Variants in RALYL observed in about 807,000 individuals in gnomAD.
RALYL encodes the protein RALY RNA binding protein like, also known as RNA-binding Raly-like protein.
A neutral mutation model predicts 35.1 loss-of-function variants in RALYL; 29 were observed. That is an observed-to-expected ratio of 0.83 (90% confidence interval 0.61 to 1.13). RALYL has a LOEUF of 1.13. Among genes scored for constraint, RALYL ranks in the 50% most tolerant of loss-of-function variants. The probability of loss-of-function intolerance (pLI) is 0.00; values close to 1 mark genes in which losing one functional copy is unlikely to be tolerated. For synonymous variants in RALYL, 120 were observed against 127.6 expected (o/e 0.94, Z 0.40); for missense variants, 359 against 360.4 (o/e 1.00, Z 0.03).
intron 1 of RALYL, among the ~76,000 whole-genome samples, chr8:84,468,146 T>G (rs1412693075): frequency 6.6e-6 from 1 of 152,030 alleles, no homozygotes; most frequent in African/African-American, 2.4e-5. Context: ...CATTTACATT[T>G]AAAGTTAATA....
intron 2 of RALYL, among the ~76,000 whole-genome samples, chr8:84,671,082 G>T (rs1206278346): frequency 6.6e-6 from 1 of 152,142 alleles, no homozygotes. Flanking sequence ...GGGAGAAACT[G>T]GCCAAAACGA....
intron 2 of RALYL, among the ~76,000 whole-genome samples, chr8:84,540,660 C>T (rs533294652): frequency 2.4e-3 from 366 of 151,810 alleles, no homozygotes; most frequent in Non-Finnish European, 4.2e-3. Flanking sequence ...TTTGTACTGT[C>T]GAGGAGATGC....
intron 2 of RALYL, among the ~76,000 whole-genome samples, chr8:84,708,180 G>A (rs1396766070): frequency 6.6e-6 from 1 of 152,038 alleles, no homozygotes; most frequent in Admixed American, 6.6e-5. Context: ...GAATAGTAAA[G>A]GTGCATGTGG....
intron 8 of RALYL, among the ~76,000 whole-genome samples, chr8:84,893,704 A>T (rs1486223540): frequency 1.3e-5 from 2 of 152,222 alleles, no homozygotes; most frequent in African/African-American, 4.8e-5. Context: ...CAGCCCTGGA[A>T]TCTGTGCTTT....
At chr8:84,620,539 A>G (rs1301303132) in intron 2 of RALYL, among the ~76,000 whole-genome samples, 4 of 152,120 alleles carry the variant, frequency 2.6e-5, no homozygotes, top group African/African-American at 4.8e-5. Context: ...TTTGGTTTGA[A>G]TGTCCTCCCG....
At chr8:84,663,412 C>A (rs1002499584) in intron 2 of RALYL, among the ~76,000 whole-genome samples, 4 of 152,098 alleles carry the variant, frequency 2.6e-5, no homozygotes, top group Non-Finnish European at 5.9e-5. Context: ...CACTGTCTTC[C>A]ACAATGGTTG....
intron 2 of RALYL, among the ~76,000 whole-genome samples, chr8:84,556,644 T>C (rs1174103438): frequency 6.6e-6 from 1 of 152,234 alleles, no homozygotes; most frequent in Non-Finnish European, 1.5e-5. Flanking sequence ...TTCTCTTTCC[T>C]GATGTCAGTA....
chr8:84,467,661 A>C (rs1394067879), intron 1 of RALYL, among the ~76,000 whole-genome samples: 3 of 151,972 alleles, frequency 2.0e-5, no homozygotes, highest in African/African-American at 4.8e-5. Context: ...TATTAGGTCC[A>C]CTTGGTGCTG....
At chr8:84,673,982 T>G (rs1025868493) in intron 2 of RALYL, among the ~76,000 whole-genome samples, 4 of 152,224 alleles carry the variant, frequency 2.6e-5, no homozygotes, top group Non-Finnish European at 5.9e-5. Flanking sequence ...ATGGCTATTT[T>G]CATGATATTG....
chr8:84,798,021 C>T (rs1370983212), intron 3 of RALYL, among the ~76,000 whole-genome samples: 1 of 152,154 alleles, frequency 6.6e-6, no homozygotes, highest in African/African-American at 2.4e-5. Flanking sequence ...AACTTTGCTT[C>T]TACACATCTA....
At chr8:84,311,458 T>C (rs1842797870) in intron 1 of RALYL, among the ~76,000 whole-genome samples, 1 of 152,148 alleles carries the variant, frequency 6.6e-6, no homozygotes, top group Non-Finnish European at 1.5e-5. Context: ...TAAATGACAA[T>C]GTTTAAACAT....
chr8:84,285,056 T>A (rs910426630), intron 1 of RALYL, among the ~76,000 whole-genome samples: 1 of 152,114 alleles, frequency 6.6e-6, no homozygotes, highest in African/African-American at 2.4e-5. Flanking sequence ...AGGAGAGAAT[T>A]ATGATTGTAT....
At chr8:84,508,883 T>C (rs961063689) in intron 1 of RALYL, among the ~76,000 whole-genome samples, 5 of 152,080 alleles carry the variant, frequency 3.3e-5, no homozygotes, top group Admixed American at 2.6e-4. Context: ...TGTATATTTT[T>C]ATAGAATTGA....
intron 2 of RALYL, among the ~76,000 whole-genome samples, chr8:84,746,130 G>C (rs1256876373): frequency 6.6e-6 from 1 of 151,972 alleles, no homozygotes; most frequent in East Asian, 1.9e-4. Flanking sequence ...TTGCATTCCT[G>C]CAATAACAAT....
chr8:84,654,274 T>C (rs1461677646), intron 2 of RALYL, among the ~76,000 whole-genome samples: 1 of 66,452 alleles, frequency 1.5e-5, no homozygotes, highest in Non-Finnish European at 2.7e-5. Flanking sequence ...ATGTTCCATA[T>C]ATATATATAT....
chr8:84,718,209 AG>A, intron 2 of RALYL, among the ~76,000 whole-genome samples: 1 of 152,280 alleles, frequency 6.6e-6, no homozygotes, highest in African/African-American at 2.4e-5. Flanking sequence ...ATTGAATGAA[AG>A]CATATATTCC....
chr8:84,673,250 T>C (rs931388350), intron 2 of RALYL, among the ~76,000 whole-genome samples: 1 of 152,220 alleles, frequency 6.6e-6, no homozygotes, highest in African/African-American at 2.4e-5. Flanking sequence ...TTTAAGTTAC[T>C]TGTAGATGCT....
intron 5 of RALYL, among the ~76,000 whole-genome samples, chr8:84,853,816 G>A (rs937671413): frequency 1.1e-4 from 16 of 151,790 alleles, no homozygotes; most frequent in African/African-American, 3.6e-4. Context: ...CATAAGTTAC[G>A]GTCTTCTTGC....
At chr8:84,574,100 G>A (rs1184511454) in intron 2 of RALYL, among the ~76,000 whole-genome samples, 2 of 151,880 alleles carry the variant, frequency 1.3e-5, no homozygotes, top group African/African-American at 4.8e-5. Context: ...AAAGAGTTTA[G>A]GCTTTAATCT....
Sources: gnomAD v4.1 joint callset for allele counts (sites outside exome capture counted in the v4.1 genomes callset) on GRCh38, gnomAD v4.1.1 for gene constraint, MANE v1.5 for transcripts, NCBI Gene and HGNC (gene_info 2026-07-23, HGNC 2026-07-21) for gene names.